DISC1: variants seen among roughly 807,000 people sequenced by gnomAD.
DISC1 encodes the protein disrupted in schizophrenia 1 protein.
In DISC1, 57 loss-of-function variants were observed where a neutral mutation model predicts 84.5. The observed-to-expected ratio is 0.67, with a 90% CI of 0.55 to 0.84. The LOEUF (loss-of-function observed/expected upper bound fraction) is 0.84. Among genes scored for constraint, DISC1 ranks in the 40% least tolerant of loss-of-function variants. The probability of loss-of-function intolerance (pLI) is 0.00; values close to 1 mark genes in which losing one functional copy is unlikely to be tolerated. For synonymous variants in DISC1, 411 were observed against 415.2 expected (o/e 0.99, Z 0.12); for missense variants, 1,000 against 1,057.8 (o/e 0.95, Z 0.76).
At chr1:231,722,155 A>G (rs538594377) in intron 3 of DISC1, among the ~76,000 whole-genome samples, 1 of 151,490 alleles carries the variant, frequency 6.6e-6, no homozygotes, top group African/African-American at 2.4e-5. Context: ...CCATCTCAAA[A>G]AAAAAAAAAA....
intron 9 of DISC1, among the ~76,000 whole-genome samples, chr1:231,852,586 G>A (rs947185181): frequency 2.0e-5 from 3 of 152,238 alleles, no homozygotes; most frequent in African/African-American, 7.2e-5. Context: ...TGCGCACCTG[G>A]TCTTAAGTCA....
intron 4 of DISC1, among the ~76,000 whole-genome samples, chr1:231,759,687 C>T (rs548457134): frequency 6.6e-6 from 1 of 152,216 alleles, no homozygotes; most frequent in South Asian, 2.1e-4. Context: ...GCCTGGCTGA[C>T]AGAGCAAGAT....
chr1:231,924,304 C>T (rs2090199926), intron 9 of DISC1, among the ~76,000 whole-genome samples: 1 of 152,194 alleles, frequency 6.6e-6, no homozygotes, highest in Non-Finnish European at 1.5e-5. Context: ...CGAGCACGAA[C>T]AGCTGTACAT....
intron 9 of DISC1, among the ~76,000 whole-genome samples, chr1:231,942,234 G>A (rs1485042544): frequency 1.3e-5 from 2 of 152,200 alleles, no homozygotes; most frequent in East Asian, 1.9e-4. Flanking sequence ...GTATAAAAAG[G>A]TGCAGGGGAG....
At chr1:231,636,185 G>T (rs201868348) in intron 1 of DISC1, among the ~76,000 whole-genome samples, 99 of 152,330 alleles carry the variant, frequency 6.5e-4, no homozygotes, top group Non-Finnish European at 1.2e-3. Flanking sequence ...TTCAGAAAGA[G>T]ATATATAATT....
At chr1:231,996,331 A>G (rs1264410047) in intron 10 of DISC1, among the ~76,000 whole-genome samples, 1 of 151,952 alleles carries the variant, frequency 6.6e-6, no homozygotes, top group Non-Finnish European at 1.5e-5. Context: ...GCTGTGCAGA[A>G]GCTCTTTAGT....
chr1:232,026,444 A>C lies in DISC1; in HGVS notation c.2317A>C (p.Ile773Leu). 6.2e-7 allele frequency: 1 copy of C among 1,602,090 alleles called. No individual in the cohort carries two copies. The change falls in exon 12 of 13, where the codon ATC becomes CTC. Residue 773 changes from isoleucine (I) to leucine (L), a missense_variant. Transcript: ENST00000439617. ...AGGEQKEESY[I>L]LSAELGEKCE... ...TTCCCCCTCTCGCCAGGAATCTTAC[A>C]TCCTTTCTGCAGAACTTGGAGAAAA...
chr1:231,750,123 C>T (rs751083926), intron 4 of DISC1, 47 bp downstream of exon 4: 50 of 1,589,380 alleles, frequency 3.1e-5, no homozygotes, highest in Non-Finnish European at 4.3e-5. Flanking sequence ...TTTCTTCCTA[C>T]CTCTCAGCTC....
At chr1:231,708,364 T>C (rs758212408) in intron 3 of DISC1, among the ~76,000 whole-genome samples, 3 of 152,248 alleles carry the variant, frequency 2.0e-5, no homozygotes, top group Non-Finnish European at 2.9e-5. Flanking sequence ...GAAATTTGAC[T>C]GCATGAAAGT....
At chr1:231,845,605 A>G (rs972308408) in intron 9 of DISC1, among the ~76,000 whole-genome samples, 6 of 152,298 alleles carry the variant, frequency 3.9e-5, no homozygotes, top group Admixed American at 2.6e-4. Context: ...GAATGGCAAC[A>G]GCGAGCACGC....
intron 3 of DISC1, among the ~76,000 whole-genome samples, chr1:231,703,505 A>G (rs1019634585): frequency 2.1e-4 from 32 of 152,344 alleles, no homozygotes; most frequent in African/African-American, 7.5e-4. Context: ...CCATGAATTG[A>G]GTCCTGGACT....
At chr1:231,684,733 A>T (rs2064056043) in intron 1 of DISC1, 1 of 152,206 alleles carries the variant, frequency 6.6e-6, no homozygotes, top group Non-Finnish European at 1.5e-5. Flanking sequence ...TAGACAATTA[A>T]ATAAAAAGCC....
At chr1:231,666,382 G>A (rs201570159) in intron 1 of DISC1, among the ~76,000 whole-genome samples, 2 of 150,594 alleles carry the variant, frequency 1.3e-5, no homozygotes, top group Non-Finnish European at 2.9e-5. Context: ...AGGATAATAA[G>A]GAGAGACAGA....
chr1:231,746,149 A>G (rs902894758), intron 3 of DISC1, among the ~76,000 whole-genome samples: 6 of 152,196 alleles, frequency 3.9e-5, no homozygotes, highest in African/African-American at 1.4e-4. Flanking sequence ...CTTTATAGCA[A>G]TGCAAAACGG....
intron 11 of DISC1, among the ~76,000 whole-genome samples, chr1:232,024,462 A>G (rs967880608): frequency 6.6e-6 from 1 of 152,228 alleles, no homozygotes; most frequent in Non-Finnish European, 1.5e-5. Flanking sequence ...TATATAATGC[A>G]TAATCTCCAG....
chr1:231,970,027 C>G (rs1661724529), intron 10 of DISC1, among the ~76,000 whole-genome samples: 1 of 152,138 alleles, frequency 6.6e-6, no homozygotes, highest in Admixed American at 6.5e-5. Context: ...GGTCCCAAGT[C>G]TTTGCTATTG....
In DISC1 at chr1:232,031,421, CAAGGGAAAGGAGAAGGGAA is replaced by C. The variant is rs1175727355; in HGVS notation, c.2425+4889_2425+4907del. Among the ~76,000 whole-genome samples, 2 of 127,470 alleles carry C rather than the reference CAAGGGAAAGGAGAAGGGAA, an allele frequency of 1.6e-5. No individual in the cohort carries two copies. The highest frequency in any genetic ancestry group is 6.2e-5 in the African/African-American group (2 of 32,486). The allele number at this position is 127,470 out of a possible 152,430, so 83.6% of individuals were successfully genotyped here. On this transcript the variant is annotated intron_variant, in intron 12 of 12. Coordinates refer to ENST00000439617, the MANE Select transcript of DISC1 (RefSeq NM_018662.3). This position sits in a 1 kb window ranked among gnomAD's most constrained non-coding sequence, Gnocchi z 4.6. ...AGGGAAGAAGGGAAGGGAGAAGAGA[CAAGGGAAAGGAGAAGGGAA>C]AAGGGAAAGGAGAAGGGAAGGGAGA...
chr1:231,984,063 AGTCT>A (rs1301674533), intron 10 of DISC1, among the ~76,000 whole-genome samples: 1 of 152,220 alleles, frequency 6.6e-6, no homozygotes, highest in African/African-American at 2.4e-5. Context: ...ATGAGCAGTC[AGTCT>A]AACTCCAAAT....
rs1219505218 is a variant in DISC1, at chr1:231,839,629, G to C, written c.1981+21112G>C. 5.3e-5 allele frequency among the ~76,000 whole-genome samples: 8 copies of C among 152,114 alleles called. 1 individual carries two copies. In the East Asian group the frequency reaches 1.5e-3, roughly 29 times the overall value. ...TGCTCCTGAACATTCTTGTATTACA[G>C]TTGTGTTAGTCTGTTTGCATTGCTA... On this transcript the variant is annotated intron_variant, in intron 9 of 12. Transcript: ENST00000439617.
Sources: allele counts gnomAD v4.1 joint callset (sites outside exome capture counted in the v4.1 genomes callset), GRCh38; gene constraint gnomAD v4.1.1; non-coding constraint Gnocchi (gnomAD v3.1); transcripts MANE v1.5; gene names NCBI Gene and HGNC (gene_info 2026-07-23, HGNC 2026-07-21).